The following PLAC1 variants were observed in gnomAD, a reference collection of about 807,000 sequenced individuals.
The protein encoded by PLAC1 is placenta-specific protein 1.
For synonymous variants in PLAC1, 68 were observed against 62.1 expected, an observed-to-expected ratio of 1.09 and a Z score of -0.44; for missense variants, 136 against 163.2, an observed-to-expected ratio of 0.83 and a Z score of 0.91.
chrX:134,727,407 A>C (rs2078677774), intron 2 of PLAC1, among the ~76,000 whole-genome samples: 1 of 112,182 alleles, frequency 8.9e-6, no homozygotes, highest in Non-Finnish European at 1.9e-5. Flanking sequence ...CTTGTAATTT[A>C]TGAGTTATTT....
chrX:134,573,726 C>T (rs1027380394), intron 2 of PLAC1, among the ~76,000 whole-genome samples: 1 of 111,493 alleles, frequency 9.0e-6, no homozygotes, highest in Non-Finnish European at 1.9e-5. Context: ...TAGGTGTGGC[C>T]TAAGTCCAAA....
chrX:134,737,140 G>A (rs766156867), intron 1 of PLAC1, among the ~76,000 whole-genome samples: 121 of 112,541 alleles, frequency 1.1e-3, no homozygotes, highest in Non-Finnish European at 2.0e-3. Flanking sequence ...TTCATGCTGC[G>A]CAGCCCTCTG....
At chrX:134,741,582 C>T (rs1428608077) in intron 1 of PLAC1, among the ~76,000 whole-genome samples, 1 of 109,456 alleles carries the variant, frequency 9.1e-6, no homozygotes, top group Non-Finnish European at 1.9e-5. Context: ...TAAACAACCA[C>T]GATAATAAGC....
chrX:134,576,844 T>C (rs2077942165), intron 2 of PLAC1, among the ~76,000 whole-genome samples: 1 of 111,456 alleles, frequency 9.0e-6, no homozygotes, highest in Non-Finnish European at 1.9e-5. Flanking sequence ...ATACCAGAAC[T>C]AGAAGAGGCT....
intron 2 of PLAC1, among the ~76,000 whole-genome samples, chrX:134,585,571 G>A (rs1332521570): frequency 9.0e-6 from 1 of 110,652 alleles, no homozygotes; most frequent in Non-Finnish European, 1.9e-5. Context: ...GACCACAGCT[G>A]ACTTCCAAAG....
At chrX:134,581,775 G>A (rs12395377) in intron 2 of PLAC1, among the ~76,000 whole-genome samples, 2,552 of 110,413 alleles carry the variant, frequency 0.023, 63 homozygotes, top group African/African-American at 0.079. Flanking sequence ...CACCGAGCCC[G>A]GCCCAGTTTC....
At chrX:134,626,721 G>A (rs73566640) in intron 1 of PLAC1, among the ~76,000 whole-genome samples, 1,556 of 112,204 alleles carry the variant, frequency 0.014, 25 homozygotes, top group African/African-American at 0.046. Flanking sequence ...CACTTGGAGG[G>A]ACAGACCATT....
chrX:134,616,946 G>A (rs1281817153), intron 1 of PLAC1, among the ~76,000 whole-genome samples: 2 of 106,134 alleles, frequency 1.9e-5, no homozygotes, highest in Non-Finnish European at 3.9e-5. Flanking sequence ...ATCTACAAAG[G>A]CATAATTTTA....
intron 1 of PLAC1, among the ~76,000 whole-genome samples, chrX:134,751,789 T>G (rs2078745571): frequency 8.9e-6 from 1 of 112,136 alleles, no homozygotes; most frequent in Non-Finnish European, 1.9e-5. Flanking sequence ...CTTCTCTCAT[T>G]AGCTCATCTT....
At chrX:134,663,224 A>G (rs1473810847), upstream of PLAC1, among the ~76,000 whole-genome samples, 1 of 112,718 alleles carries the variant, frequency 8.9e-6, no homozygotes, top group Non-Finnish European at 1.9e-5. Flanking sequence ...TCTTATTCAT[A>G]AATGTAAACC....
At chrX:134,666,920 A>G (rs1459249240) in intron 2 of PLAC1, among the ~76,000 whole-genome samples, 1 of 112,350 alleles carries the variant, frequency 8.9e-6, no homozygotes, top group East Asian at 2.8e-4. Context: ...GCATCAAGAC[A>G]ATTCAATAGG....
At chrX:134,627,587 A>AT (rs2078242365) in intron 1 of PLAC1, among the ~76,000 whole-genome samples, 1 of 112,520 alleles carries the variant, frequency 8.9e-6, no homozygotes, top group Non-Finnish European at 1.9e-5. Flanking sequence ...ATGTCTTATC[A>AT]TAGGAAGATC....
intron 2 of PLAC1, among the ~76,000 whole-genome samples, chrX:134,698,778 T>C (rs1473349269): frequency 8.9e-6 from 1 of 111,886 alleles, no homozygotes; most frequent in African/African-American, 3.2e-5. Flanking sequence ...TGGACTCACA[T>C]ATCCAACTGT....
At chrX:134,641,046 C>A (rs1412596426) in intron 1 of PLAC1, among the ~76,000 whole-genome samples, 4 of 111,590 alleles carry the variant, frequency 3.6e-5, no homozygotes, top group Non-Finnish European at 7.5e-5. Flanking sequence ...CAAGAGTTTG[C>A]CTAGCCTGGG....
At position 134,681,821 on chromosome X, in the gene PLAC1, C is replaced by T. The variant is rs186300659; in HGVS notation, n.174+51614G>A. 3.1e-3 allele frequency among the ~76,000 whole-genome samples: 349 copies of T among 111,473 alleles called. 2 individuals carry two copies. Among genetic ancestry groups the T allele is most frequent in the African/African-American group, 9.6e-3 (295 of 30,637 alleles). Reference sequence around the variant, plus strand: ...ATTATGGTTGGAACTAGATGGTGCACCAAGACACCATGGAAAAATATTCTA... The same window carrying T: ...ATTATGGTTGGAACTAGATGGTGCATCAAGACACCATGGAAAAATATTCTA... On this transcript the variant is annotated intron_variant and non_coding_transcript_variant, in intron 2 of 2. Coordinates refer to the PLAC1 transcript ENST00000466797.
chrX:134,623,395 A>G (rs2078220514), intron 1 of PLAC1, among the ~76,000 whole-genome samples: 1 of 112,578 alleles, frequency 8.9e-6, no homozygotes, highest in Admixed American at 9.4e-5. Flanking sequence ...CCAATGGACA[A>G]ATAGTTAACA....
At chrX:134,705,598 A>C (rs1334867565) in intron 2 of PLAC1, among the ~76,000 whole-genome samples, 1 of 111,406 alleles carries the variant, frequency 9.0e-6, no homozygotes, top group Non-Finnish European at 1.9e-5. Flanking sequence ...ACATATTATT[A>C]GCAAAGAGCT....
intron 1 of PLAC1, among the ~76,000 whole-genome samples, chrX:134,763,824 A>AAAAGAAAGAAAGAAAGAAAGAAAGAAAG (rs58989876): frequency 4.4e-5 from 4 of 90,509 alleles, no homozygotes; most frequent in African/African-American, 1.7e-4. Context: ...TCCGAAAAAA[A>AAAAGAAAGAAAGAAAGAAAGAAAGAAAG]AAAGAAAGAA....
chrX:134,664,967 T>TA (rs1184047413), intron 2 of PLAC1, among the ~76,000 whole-genome samples: 2 of 111,879 alleles, frequency 1.8e-5, no homozygotes, highest in South Asian at 3.7e-4. Context: ...TAATTAAAAA[T>TA]AAAAAACTCC....
Sources: gnomAD v4.1 joint callset for allele counts (sites outside exome capture counted in the v4.1 genomes callset) on GRCh38, gnomAD v4.1.1 for gene constraint, MANE v1.5 for transcripts, NCBI Gene and HGNC (gene_info 2026-07-23, HGNC 2026-07-21) for gene names.